PKM: variants seen among roughly 807,000 people sequenced by gnomAD.
The protein encoded by PKM is pyruvate kinase PKM.
A neutral mutation model predicts 49.8 loss-of-function variants in PKM; 18 were observed. That is an observed-to-expected ratio of 0.36 (90% confidence interval 0.25 to 0.54). The LOEUF (loss-of-function observed/expected upper bound fraction) is 0.54. PKM is among the 20% of genes least tolerant of loss of function. The pLI is 0.89. For missense variants in PKM, 508 were observed against 713.8 expected (o/e 0.71, Z 3.28); for synonymous variants, 239 against 261.8 (o/e 0.91, Z 0.84).
At chr15:72,209,352 G>C (rs941570703) in intron 5 of PKM, among the ~76,000 whole-genome samples, 1 of 144,304 alleles carries the variant, frequency 6.9e-6, no homozygotes, top group Non-Finnish European at 1.5e-5. Context: ...CTGGGCAACA[G>C]AGCGAGACTC....
At chr15:72,218,903 C>T (rs1010652329) in intron 2 of PKM, 41 bp downstream of exon 2, 1 of 1,606,948 alleles carries the variant, frequency 6.2e-7, no homozygotes, top group Non-Finnish European at 8.5e-7. Flanking sequence ...AGGTCACTGC[C>T]CATGAAGCCC....
chr15:72,209,288 G>C (rs982577099), intron 5 of PKM, among the ~76,000 whole-genome samples: 1 of 151,254 alleles, frequency 6.6e-6, no homozygotes, highest in South Asian at 2.1e-4. Flanking sequence ...AGAATAGCTA[G>C]AACTCTGGAG....
intron 3 of PKM, among the ~76,000 whole-genome samples, chr15:72,211,927 C>T (rs1444931053): frequency 2.6e-5 from 4 of 152,118 alleles, no homozygotes; most frequent in Admixed American, 1.3e-4. Context: ...GGGCCTTGTC[C>T]TTTAACCACC....
chr15:72,228,658 T>G (rs1044555906), intron 1 of PKM: 12 of 1,282,196 alleles, frequency 9.4e-6, no homozygotes, highest in Middle Eastern at 2.1e-4. Context: ...CCCCACAGAT[T>G]TGGTGATACG....
At chr15:72,207,083 A>C in intron 7 of PKM, 44 bp downstream of exon 7, 2 of 1,609,276 alleles carry the variant, frequency 1.2e-6, no homozygotes, top group African/African-American at 2.7e-5. Context: ...CCATACAAAC[A>C]TGCGAGTGTG....
chr15:72,203,643 G>T, intron 8 of PKM: 1 of 198,752 alleles, frequency 5.0e-6, no homozygotes. Context: ...TGGAGTGAGC[G>T]CTCACTTGGC....
intron 1 of PKM, among the ~76,000 whole-genome samples, chr15:72,229,157 C>G (rs1379439412): frequency 6.6e-6 from 1 of 152,204 alleles, no homozygotes; most frequent in East Asian, 1.9e-4. Context: ...AGTAGGAAGA[C>G]AATGGATCAA....
intron 6 of PKM, among the ~76,000 whole-genome samples, chr15:72,207,739 G>A (rs866626108): frequency 1.3e-5 from 2 of 152,250 alleles, no homozygotes; most frequent in Admixed American, 1.3e-4. Context: ...CCTGCTGAAG[G>A]CAAGAGGGAA....
intron 3 of PKM, among the ~76,000 whole-genome samples, chr15:72,214,519 G>A (rs188323814): frequency 1.3e-5 from 2 of 152,278 alleles, no homozygotes; most frequent in Admixed American, 1.3e-4. Context: ...TTCTAGGCCA[G>A]GTGTGGTGGC....
chr15:72,215,323 A>G (rs1378599803), intron 3 of PKM, among the ~76,000 whole-genome samples: 1 of 152,170 alleles, frequency 6.6e-6, no homozygotes, highest in Admixed American at 6.5e-5. Flanking sequence ...AGAAACTGGA[A>G]AAGTACGCCC....
At chr15:72,222,692 T>C (rs1008936271) in intron 1 of PKM, among the ~76,000 whole-genome samples, 3 of 152,074 alleles carry the variant, frequency 2.0e-5, no homozygotes, top group Non-Finnish European at 4.4e-5. Context: ...GCGTATCCAC[T>C]GATAGCAGCA....
chr15:72,203,156 G>A, intron 8 of PKM: 2 of 1,614,082 alleles, frequency 1.2e-6, no homozygotes, highest in Non-Finnish European at 1.7e-6. Flanking sequence ...ACAGCTTGCG[G>A]TGGAACATGG....
At position 72,206,963 on chromosome 15, in the gene PKM, G is replaced by C. The variant is rs1376522958; in HGVS notation, c.988-83C>G. 3.3e-6 allele frequency: 5 copies of C among 1,532,784 alleles called. No individual in the cohort carries two copies. The East Asian group carries it at 9.0e-5, about 28-fold the overall frequency. 94.9% of individuals were successfully genotyped at this position (1,532,784 alleles called of 1,614,324 possible). ...ACAGCAAGCTGATCCTCTGGATAGT[G>C]AGTAGGTACACAGAGTATGGCTTTG... is the stretch of plus-strand genomic sequence containing the variant. On this transcript the variant is annotated intron_variant, in intron 7 of 10. Transcript: ENST00000335181.
At position 72,200,651 on chromosome 15, in the gene PKM, C is replaced by T. The variant is rs1346959696; in HGVS notation, c.1312G>A (p.Ala438Thr). 1 of 1,611,986 alleles carries T rather than the reference C, an allele frequency of 6.2e-7. No individual in the cohort carries two copies. The highest frequency in any genetic ancestry group is 8.5e-7 in the Non-Finnish European group (1 of 1,178,554). ...GGGCGGTATCTGGCCACCTGGTGAGCAGACCTGAGATGGGATGGGGGACAT... is the reference window on the plus strand; with the variant it reads ...GGGCGGTATCTGGCCACCTGGTGAGTAGACCTGAGATGGGATGGGGGACAT... ...IIVLTKSGRS[A>T]HQVARYRPRA... is the part of the protein sequence containing the mutation. The change falls in exon 10 of 11, where the codon GCT becomes ACT. Residue 438 changes from alanine (A) to threonine (T), a missense_variant. Physicochemically the swap from Ala to Thr is moderately conservative, Grantham distance 58. Coordinates refer to ENST00000335181, the MANE Select transcript of PKM (RefSeq NM_002654.6). This position sits in a 1 kb window ranked among gnomAD's most constrained non-coding sequence, Gnocchi z 4.6.
At position 72,199,273 on chromosome 15, in the gene PKM, G is replaced by T; in HGVS notation, c.*377C>A. ...TGCCCTAAGGCCCCTAACTCTTGCT[G>T]GCTGTTTCTTGACCCCAAGCCAGGG... On this transcript the variant is annotated 3_prime_UTR_variant, in exon 11 of 11. Coordinates refer to ENST00000335181, the MANE Select transcript of PKM (RefSeq NM_002654.6). 2.6e-6 allele frequency: 1 copy of T among 387,606 alleles called. No individual in the cohort carries two copies. Among genetic ancestry groups the T allele is most frequent in the Non-Finnish European group, 5.0e-6 (1 of 199,560 alleles). The allele number at this position is 387,606 out of a possible 1,614,324, so 24.0% of individuals were successfully genotyped here. A position where few individuals can be genotyped will look rare whatever the true frequency, so the allele number is the denominator to read the frequency against.
chr15:72,203,479 T>C, intron 8 of PKM: 1 of 441,458 alleles, frequency 2.3e-6, no homozygotes, highest in South Asian at 2.2e-5. Context: ...TCTAGCACCC[T>C]GGCATGAAAA....
chr15:72,226,363 T>TA lies in PKM; in HGVS notation c.-14+4752dup, dbSNP rs759746718. The stretch of plus-strand genomic sequence containing the variant: ...TAACACAGTGAAACCCCGTCTCTAC[T>TA]AAAAAATACAAAAAAAATCAGCCAG... On this transcript the variant is annotated intron_variant, in intron 1 of 10. Transcript: ENST00000335181. Among the ~76,000 whole-genome samples the TA allele has an allele frequency of 1.4e-3, 216 of 150,044 alleles. 1 individual carries two copies. The highest frequency in any genetic ancestry group is 2.1e-3 in the East Asian group (11 of 5,160).
chr15:72,209,806 C>T lies in PKM; in HGVS notation c.432G>A (p.Leu144=), dbSNP rs2082200628. The T allele has an allele frequency of 8.1e-6, 13 of 1,614,002 alleles. No homozygotes were observed. Among genetic ancestry groups the T allele is most frequent in the Non-Finnish European group, 1.1e-5 (13 of 1,179,966 alleles). Residue 144 remains leucine (L), a synonymous_variant, in exon 5 of 11, where the codon CTG becomes CTA. Transcript: ENST00000335181. ...CACACTTTTCCATGTAGGCGTTATC[C>T]AGCGTGATTTTGAGAGTGGCTCCCT... ...LKKGATLKIT[L]DNAYMEKCDE...
intron 1 of PKM, chr15:72,230,806 G>T: frequency 1.8e-6 from 1 of 548,622 alleles, no homozygotes; most frequent in Non-Finnish European, 3.0e-6. Flanking sequence ...AGGCAGGCGA[G>T]GATGGAGGCG....
Sources: allele counts gnomAD v4.1 joint callset (sites outside exome capture counted in the v4.1 genomes callset), GRCh38; gene constraint gnomAD v4.1.1; non-coding constraint Gnocchi (gnomAD v3.1); transcripts MANE v1.5; gene names NCBI Gene and HGNC (gene_info 2026-07-23, HGNC 2026-07-21).